ABCC4: variants seen among roughly 807,000 people sequenced by gnomAD.
ABCC4 encodes the protein ATP-binding cassette sub-family C member 4.
In ABCC4, 102 loss-of-function variants were observed where a neutral mutation model predicts 168.5. The ratio of observed to expected loss-of-function variants is 0.61; its 90% CI spans 0.52 to 0.71. The LOEUF (loss-of-function observed/expected upper bound fraction) is 0.71, where lower values mean the gene tolerates loss of function less well. ABCC4 is among the 30% of genes least tolerant of loss of function. The pLI is 0.00. For synonymous variants in ABCC4, 617 were observed against 590.7 expected, an observed-to-expected ratio of 1.04 and a Z score of -0.65; for missense variants, 1,402 against 1,605.8, an observed-to-expected ratio of 0.87 and a Z score of 2.17.
intron 30 of ABCC4, among the ~76,000 whole-genome samples, chr13:95,027,690 G>C (rs2031615005): frequency 6.6e-6 from 1 of 152,106 alleles, no homozygotes; most frequent in African/African-American, 2.4e-5. Flanking sequence ...GTTTATAATG[G>C]GGAGTCAAGA....
intron 1 of ABCC4, among the ~76,000 whole-genome samples, chr13:95,301,038 G>A (rs9524896): frequency 0.51 from 77,113 of 151,410 alleles, 21,556 homozygotes; most frequent in East Asian, 0.62. Flanking sequence ...GCCGCGCCCC[G>A]GGGCGCAGGC....
rs1341384351 is a variant in ABCC4 at position 95,100,638 on chromosome 13, A to G, written c.2535+15284T>C. Among the ~76,000 whole-genome samples the G allele has an allele frequency of 3.9e-5, 6 of 152,292 alleles. No individual in the cohort carries two copies. In the East Asian group the frequency reaches 1.2e-3, roughly 29 times the overall value. On this transcript the variant is annotated intron_variant, in intron 20 of 30. Transcript: ENST00000645237. ...AATCCACTTTAATGTGGCAGTTGGC[A>G]TGAATCATTATCTCTAGGGCTGGCA...
intron 26 of ABCC4, 67 bp downstream of exon 26, chr13:95,062,637 G>C (rs1729747): frequency 0.82 from 1,152,774 of 1,405,524 alleles, 473,874 homozygotes; most frequent in South Asian, 0.91. Context: ...AAAGCAATAA[G>C]AGTAAAAGCA....
chr13:95,194,351 G>C (rs376223966), intron 9 of ABCC4, among the ~76,000 whole-genome samples: 1 of 152,194 alleles, frequency 6.6e-6, no homozygotes, highest in African/African-American at 2.4e-5. Context: ...CCAGATGCTT[G>C]GAATAGGGGA....
At chr13:95,201,360 T>C (rs1343094215) in intron 8 of ABCC4, among the ~76,000 whole-genome samples, 2 of 152,196 alleles carry the variant, frequency 1.3e-5, no homozygotes, top group African/African-American at 4.8e-5. Context: ...GCAGGATCCC[T>C]TTCATGCCAC....
rs2036120930 is a variant in ABCC4 at position 95,135,595 on chromosome 13, G to C, written c.2456-19594C>G. 2.0e-5 allele frequency among the ~76,000 whole-genome samples: 3 copies of C among 151,660 alleles called. No homozygotes were observed. The South Asian group carries it at 6.2e-4, about 32-fold the overall frequency. The stretch of plus-strand genomic sequence containing the variant: ...GCCCAGCTAATTTTTGTATTTTTTT[G>C]TAGAGACAGGGTCTTGCCATGTTGA... On this transcript the variant is annotated intron_variant, in intron 19 of 30. Transcript: ENST00000645237.
intron 20 of ABCC4, among the ~76,000 whole-genome samples, chr13:95,112,173 C>T (rs1320422339): frequency 6.6e-6 from 1 of 151,930 alleles, no homozygotes; most frequent in Non-Finnish European, 1.5e-5. Context: ...AGCAACATGG[C>T]AAAACCCTGT....
chr13:95,296,182 AC>A (rs1278034189), intron 1 of ABCC4, among the ~76,000 whole-genome samples: 249 of 8,516 alleles, frequency 0.029, 2 homozygotes, highest in African/African-American at 0.038. Context: ...ACACACACAC[AC>A]AAAAACACAA....
intron 11 of ABCC4, among the ~76,000 whole-genome samples, chr13:95,181,181 G>A (rs769047213): frequency 1.7e-4 from 26 of 152,184 alleles, no homozygotes; most frequent in South Asian, 2.1e-4. Context: ...AAACCATGAC[G>A]TGGCTATGTG....
chr13:95,079,112 G>C (rs2039422131), intron 21 of ABCC4, among the ~76,000 whole-genome samples: 1 of 152,192 alleles, frequency 6.6e-6, no homozygotes, highest in African/African-American at 2.4e-5. Context: ...ACTTAGGGCT[G>C]AGAGGGCTGC....
At chr13:95,118,973 T>C (rs919306833) in intron 19 of ABCC4, among the ~76,000 whole-genome samples, 1 of 152,214 alleles carries the variant, frequency 6.6e-6, no homozygotes, top group Non-Finnish European at 1.5e-5. Context: ...ATCCCTTGGG[T>C]ACCTCAATTA....
intron 20 of ABCC4, among the ~76,000 whole-genome samples, chr13:95,107,142 A>G (rs1239679598): frequency 2.6e-5 from 4 of 152,140 alleles, no homozygotes; most frequent in Non-Finnish European, 5.9e-5. Context: ...CTGTAATCCC[A>G]GCTACCCGGG....
chr13:95,241,048 A>G (rs1190781165), intron 3 of ABCC4, among the ~76,000 whole-genome samples: 1 of 152,016 alleles, frequency 6.6e-6, no homozygotes, highest in Non-Finnish European at 1.5e-5. Flanking sequence ...CTGAACAAGA[A>G]ATGTAGAATT....
intron 30 of ABCC4, among the ~76,000 whole-genome samples, chr13:95,026,240 A>G (rs939949278): frequency 2.0e-5 from 3 of 152,176 alleles, no homozygotes; most frequent in Admixed American, 6.5e-5. Context: ...CTCTGTCTCA[A>G]AAAAGGGAAA....
intron 11 of ABCC4, among the ~76,000 whole-genome samples, 157 bp downstream of exon 11, chr13:95,186,544 C>T (rs943862381): frequency 6.6e-6 from 1 of 152,012 alleles, no homozygotes; most frequent in Non-Finnish European, 1.5e-5. Flanking sequence ...AAGGACAGAG[C>T]GTGTGTGTGT....
intron 1 of ABCC4, among the ~76,000 whole-genome samples, chr13:95,249,816 G>A (rs72643686): frequency 0.015 from 2,253 of 152,238 alleles, 23 homozygotes; most frequent in Admixed American, 0.025. Context: ...CTGGCTCCAG[G>A]AAGTTAAAAA....
intron 13 of ABCC4, among the ~76,000 whole-genome samples, chr13:95,174,442 T>G (rs1008109831): frequency 6.6e-6 from 1 of 152,226 alleles, no homozygotes; most frequent in Non-Finnish European, 1.5e-5. Context: ...TGCTGAGTGA[T>G]TTCCTAAATT....
chr13:95,256,810 C>T (rs940204122), intron 1 of ABCC4, among the ~76,000 whole-genome samples: 3 of 151,954 alleles, frequency 2.0e-5, no homozygotes, highest in African/African-American at 7.3e-5. Flanking sequence ...TTAATTAGTG[C>T]CTGTTCAAAT....
intron 20 of ABCC4, among the ~76,000 whole-genome samples, chr13:95,106,983 G>A (rs1484391179): frequency 3.9e-5 from 6 of 152,152 alleles, no homozygotes; most frequent in Admixed American, 3.3e-4. Flanking sequence ...CAGGCTGGGC[G>A]TGGTGGCTCA....
Sources: gnomAD v4.1 joint callset for allele counts (sites outside exome capture counted in the v4.1 genomes callset) on GRCh38, gnomAD v4.1.1 for gene constraint, MANE v1.5 for transcripts, NCBI Gene and HGNC (gene_info 2026-07-23, HGNC 2026-07-21) for gene names.